Variants in AOPEP observed in about 807,000 individuals in gnomAD.
AOPEP encodes aminopeptidase O.
AOPEP carries 77 observed loss-of-function variants against 98.1 expected under a neutral mutation model. The observed-to-expected ratio is 0.78, with a 90% CI of 0.65 to 0.95. The LOEUF (loss-of-function observed/expected upper bound fraction) is 0.95. Among genes scored for constraint, AOPEP ranks in the 40% least tolerant of loss-of-function variants. AOPEP has a pLI of 0.00. For synonymous variants in AOPEP, 346 were observed against 365.3 expected (o/e 0.95, Z 0.60); for missense variants, 1,024 against 1,024.7 (o/e 1.00, Z 0.01).
At chr9:95,043,249 G>GAT (rs200156115) in intron 13 of AOPEP, among the ~76,000 whole-genome samples, 7,900 of 28,554 alleles carry the variant, frequency 0.28, 282 homozygotes, top group Non-Finnish European at 0.47. Flanking sequence ...GATATATACA[G>GAT]ATATATATAT....
In AOPEP at chr9:94,980,719, T is replaced by C. The variant is rs1280097920; in HGVS notation, c.1977+1292T>C. Among the ~76,000 whole-genome samples, 1 of 151,992 alleles carries C rather than the reference T, an allele frequency of 6.6e-6. No homozygotes were observed. Among genetic ancestry groups the C allele is most frequent in the Non-Finnish European group, 1.5e-5 (1 of 67,994 alleles). Reference sequence around the variant, plus strand: ...TTTTACAAATAAAACAGACCAGGGGTAGGACAAGGCAGTGCGTGGTTGGGG... The same window carrying C: ...TTTTACAAATAAAACAGACCAGGGGCAGGACAAGGCAGTGCGTGGTTGGGG... On this transcript the variant is annotated intron_variant, in intron 11 of 16. Coordinates refer to ENST00000375315, the MANE Select transcript of AOPEP (RefSeq NM_001193329.3). This position sits in a 1 kb window ranked among gnomAD's most constrained non-coding sequence, Gnocchi z 4.3.
chr9:94,757,854 G>T (rs1246643235), intron 1 of AOPEP, among the ~76,000 whole-genome samples: 4 of 152,114 alleles, frequency 2.6e-5, no homozygotes, highest in African/African-American at 9.7e-5. Flanking sequence ...CCATCAGAAT[G>T]AAGTTTTAAG....
chr9:94,964,291 C>A (rs924622936), intron 9 of AOPEP, among the ~76,000 whole-genome samples: 1 of 152,142 alleles, frequency 6.6e-6, no homozygotes, highest in Non-Finnish European at 1.5e-5. Flanking sequence ...AGGATCACAG[C>A]CCACTGGGAG....
At chr9:95,140,206 C>A in the AOPEP span, among the ~76,000 whole-genome samples, 2 of 152,030 alleles carry the variant, frequency 1.3e-5, no homozygotes, top group African/African-American at 4.8e-5. Context: ...CAGTAGGCTT[C>A]CAGTCAGGGC....
At chr9:95,111,497 G>A in the AOPEP span, 1 of 1,613,950 alleles carries the variant, frequency 6.2e-7, no homozygotes, top group Non-Finnish European at 8.5e-7. Flanking sequence ...CCCATCACGG[G>A]GGCCGTAGTA....
At chr9:94,921,258 C>G (rs529575049) in intron 5 of AOPEP, 8 of 152,226 alleles carry the variant, frequency 5.3e-5, no homozygotes, top group African/African-American at 1.9e-4. Context: ...GAAGACTGAT[C>G]GCCGGCAGGC....
intron 3 of AOPEP, among the ~76,000 whole-genome samples, chr9:94,776,617 A>C (rs1403517380): frequency 6.6e-6 from 1 of 152,190 alleles, no homozygotes; most frequent in Non-Finnish European, 1.5e-5. Context: ...TCATTATGTT[A>C]TGGCTATGAG....
At chr9:94,848,769 A>T (rs2135100496) in intron 5 of AOPEP, among the ~76,000 whole-genome samples, 1 of 152,204 alleles carries the variant, frequency 6.6e-6, no homozygotes, top group Admixed American at 6.5e-5. Flanking sequence ...AAGCATTATT[A>T]TAGTGAAGTC....
At chr9:94,986,503 C>T (rs759244317) in intron 11 of AOPEP, among the ~76,000 whole-genome samples, 9 of 152,174 alleles carry the variant, frequency 5.9e-5, no homozygotes, top group Admixed American at 2.6e-4. Flanking sequence ...AATTACTCAG[C>T]GCAACCTCAC....
chr9:94,888,271 G>T (rs1316448028), intron 5 of AOPEP, among the ~76,000 whole-genome samples: 7 of 149,576 alleles, frequency 4.7e-5, no homozygotes, highest in Admixed American at 1.3e-4. Context: ...AATAAATTGA[G>T]ATGGAATCAT....
intron 5 of AOPEP, among the ~76,000 whole-genome samples, chr9:94,854,169 A>G (rs2043902055): frequency 6.6e-6 from 1 of 152,236 alleles, no homozygotes; most frequent in African/African-American, 2.4e-5. Flanking sequence ...TTGCATTAGA[A>G]TATGGTGGAC....
At chr9:95,136,153 G>A in the AOPEP span, among the ~76,000 whole-genome samples, 6 of 152,280 alleles carry the variant, frequency 3.9e-5, no homozygotes, top group African/African-American at 1.2e-4. Context: ...CACTTTGAGA[G>A]ACTGAGGTAG....
chr9:95,111,005 C>G, the AOPEP span: 4 of 1,434,010 alleles, frequency 2.8e-6, no homozygotes, highest in Non-Finnish European at 3.6e-6. Context: ...ATGTGAGGAT[C>G]TGTTGACTGA....
At position 94,844,846 on chromosome 9, in the gene AOPEP, G is replaced by A. The variant is rs889155083; in HGVS notation, c.1364+43844G>A. On this transcript the variant is annotated intron_variant, in intron 5 of 16. Transcript: ENST00000375315. ...GGATGTGGGCTGTCCGTGGGAGTGG[G>A]GTTCAGGTGGGATGGTATGGTACCT... Among the ~76,000 whole-genome samples, 5 of 152,146 alleles carry A rather than the reference G, an allele frequency of 3.3e-5. 2 individuals are homozygous for A. Among genetic ancestry groups the A allele is most frequent in the Non-Finnish European group, 7.4e-5 (5 of 68,026 alleles).
intron 2 of AOPEP, among the ~76,000 whole-genome samples, chr9:94,766,609 G>A (rs966659409): frequency 3.3e-5 from 5 of 152,208 alleles, no homozygotes; most frequent in African/African-American, 1.2e-4. Context: ...CATTATAATA[G>A]TTGTGGAAGC....
downstream of AOPEP, among the ~76,000 whole-genome samples, chr9:95,087,997 T>A (rs1357346534): frequency 6.6e-6 from 1 of 152,154 alleles, no homozygotes; most frequent in South Asian, 2.1e-4. Flanking sequence ...TCTCCAGAAC[T>A]CTCTTTTCTT....
At chr9:94,872,711 A>G (rs1481067378) in intron 5 of AOPEP, among the ~76,000 whole-genome samples, 2 of 152,220 alleles carry the variant, frequency 1.3e-5, no homozygotes, top group Admixed American at 6.5e-5. Context: ...ATTTATATGG[A>G]TGGTATATTT....
In AOPEP at chr9:95,056,089, C is replaced by A. The variant is rs139637066; in HGVS notation, c.2116-4605C>A. ...ATTGAAGTGACATCATATGTATTGC[C>A]CCCATTGATCCGCTTTTAGTCTCCA... On this transcript the variant is annotated intron_variant, in intron 13 of 16. Coordinates refer to ENST00000375315, the MANE Select transcript of AOPEP (RefSeq NM_001193329.3). Among the ~76,000 whole-genome samples, 319 of 152,216 alleles carry A rather than the reference C, an allele frequency of 2.1e-3. 2 individuals carry two copies. Among genetic ancestry groups the A allele is most frequent in the African/African-American group, 7.4e-3 (306 of 41,522 alleles).
intron 1 of AOPEP, among the ~76,000 whole-genome samples, chr9:94,745,278 AT>A (rs547764225): frequency 0.091 from 12,859 of 141,636 alleles, 573 homozygotes; most frequent in African/African-American, 0.13. Context: ...AATTGTTTTA[AT>A]TTTTTTTTTT....
Sources: gnomAD v4.1 joint callset for allele counts (sites outside exome capture counted in the v4.1 genomes callset) on GRCh38, gnomAD v4.1.1 for gene constraint, Gnocchi (gnomAD v3.1) non-coding constraint, MANE v1.5 for transcripts, NCBI Gene and HGNC (gene_info 2026-07-23, HGNC 2026-07-21) for gene names.